Variants in DPP10 observed in about 807,000 individuals in gnomAD.
DPP10 encodes inactive dipeptidyl peptidase 10.
DPP10 carries 33 observed loss-of-function variants against 120.9 expected under a neutral mutation model. The observed-to-expected ratio is 0.27, with a 90% confidence interval of 0.21 to 0.37. The LOEUF is 0.37. Ranked by LOEUF, DPP10 falls within the 10% of genes least tolerant of loss-of-function variation. The pLI, the probability that DPP10 is intolerant of heterozygous loss-of-function variation, is 1.00. For missense variants in DPP10, 816 were observed against 942.8 expected (o/e 0.87, Z 1.76); for synonymous variants, 337 against 326.1 (o/e 1.03, Z -0.36).
chr2:115,162,051 A>T, intron 1 of DPP10: 1 of 1,425,726 alleles, frequency 7.0e-7, no homozygotes. Flanking sequence ...AGCCGCGGCC[A>T]GGCCCTCCCG....
chr2:115,634,453 G>C (rs973689730), intron 5 of DPP10, among the ~76,000 whole-genome samples: 1 of 152,032 alleles, frequency 6.6e-6, no homozygotes, highest in African/African-American at 2.4e-5. Flanking sequence ...TCTTTTAAGA[G>C]TCAGGCTCTT....
chr2:114,699,669 A>G (rs899635972), intron 1 of DPP10, among the ~76,000 whole-genome samples: 1 of 152,096 alleles, frequency 6.6e-6, no homozygotes, highest in African/African-American at 2.4e-5. Context: ...TTACATGTTA[A>G]GACAAACAGA....
At chr2:115,712,437 C>T (rs1473883488) in intron 7 of DPP10, among the ~76,000 whole-genome samples, 2 of 150,146 alleles carry the variant, frequency 1.3e-5, no homozygotes, top group African/African-American at 2.4e-5. Flanking sequence ...ACAGACTGGT[C>T]CATGGCCTGG....
chr2:114,722,339 C>A (rs568245151), intron 1 of DPP10, among the ~76,000 whole-genome samples: 2 of 152,130 alleles, frequency 1.3e-5, no homozygotes, highest in African/African-American at 4.8e-5. Flanking sequence ...AGATTTTTCC[C>A]AGTTGAGTTT....
At chr2:114,562,070 G>A (rs952845361) in intron 1 of DPP10, among the ~76,000 whole-genome samples, 3 of 152,194 alleles carry the variant, frequency 2.0e-5, no homozygotes, top group African/African-American at 7.2e-5. Context: ...TTAGCCCTTA[G>A]CACTGGATTG....
intron 1 of DPP10, among the ~76,000 whole-genome samples, chr2:114,503,374 T>C (rs982218853): frequency 6.6e-6 from 1 of 152,238 alleles, no homozygotes; most frequent in African/African-American, 2.4e-5. Flanking sequence ...ATATACTTTA[T>C]AACCAGGGTA....
intron 1 of DPP10, among the ~76,000 whole-genome samples, chr2:114,492,428 C>A (rs562840712): frequency 6.6e-6 from 1 of 151,742 alleles, no homozygotes; most frequent in Non-Finnish European, 1.5e-5. Flanking sequence ...GTAACAGCAA[C>A]GGTAGGAACA....
At chr2:114,589,641 C>G (rs775749261) in intron 1 of DPP10, among the ~76,000 whole-genome samples, 6 of 152,162 alleles carry the variant, frequency 3.9e-5, no homozygotes, top group Non-Finnish European at 5.9e-5. Flanking sequence ...TCAGCACTAA[C>G]TATACATACC....
intron 8 of DPP10, among the ~76,000 whole-genome samples, chr2:115,733,325 G>T (rs903348763): frequency 1.3e-5 from 2 of 152,168 alleles, no homozygotes; most frequent in African/African-American, 4.8e-5. Context: ...CACTTGCTCA[G>T]TGTCATCTAT....
intron 7 of DPP10, among the ~76,000 whole-genome samples, chr2:115,726,624 A>C (rs1237191262): frequency 6.6e-6 from 1 of 152,096 alleles, no homozygotes; most frequent in Non-Finnish European, 1.5e-5. Flanking sequence ...TGAGATTCTC[A>C]CCTGTGGTAT....
chr2:114,992,470 G>A (rs1406770872), intron 1 of DPP10, among the ~76,000 whole-genome samples: 1 of 152,194 alleles, frequency 6.6e-6, no homozygotes, highest in Non-Finnish European at 1.5e-5. Flanking sequence ...CCTGCTTTAT[G>A]CCAGTCTGGT....
At chr2:114,621,034 CAGATAAGA>C (rs756299681) in intron 1 of DPP10, among the ~76,000 whole-genome samples, 1 of 151,950 alleles carries the variant, frequency 6.6e-6, no homozygotes. Context: ...AATATGGAGA[CAGATAAGA>C]AGCTCTGTGG....
At chr2:114,828,820 G>A (rs1179085660) in intron 1 of DPP10, 1 of 152,260 alleles carries the variant, frequency 6.6e-6, no homozygotes, top group Non-Finnish European at 1.5e-5. Context: ...GGAGGAGGCA[G>A]GCTCCGCAGA....
chr2:115,266,420 G>A (rs2059464786), intron 1 of DPP10, among the ~76,000 whole-genome samples: 2 of 151,440 alleles, frequency 1.3e-5, no homozygotes, highest in South Asian at 4.2e-4. Flanking sequence ...ATTCTACCAT[G>A]TGTTTTCTGG....
intron 1 of DPP10, among the ~76,000 whole-genome samples, chr2:114,555,356 G>T (rs560406313): frequency 5.3e-5 from 8 of 151,916 alleles, no homozygotes; most frequent in African/African-American, 1.7e-4. Context: ...AACAAGACTG[G>T]CAAGATCTCC....
At chr2:115,521,426 C>T (rs1027377258) in intron 4 of DPP10, among the ~76,000 whole-genome samples, 8 of 152,154 alleles carry the variant, frequency 5.3e-5, no homozygotes, top group Admixed American at 2.6e-4. Flanking sequence ...CCTTCAGGAG[C>T]GATAACAATA....
chr2:114,625,691 A>G (rs1694457712), intron 1 of DPP10, among the ~76,000 whole-genome samples: 1 of 152,030 alleles, frequency 6.6e-6, no homozygotes, highest in African/African-American at 2.4e-5. Context: ...TAAATTGAGA[A>G]ATATCTGAGA....
intron 1 of DPP10, among the ~76,000 whole-genome samples, chr2:115,049,445 T>C (rs1272102322): frequency 1.3e-5 from 2 of 152,190 alleles, no homozygotes; most frequent in African/African-American, 4.8e-5. Flanking sequence ...AGCCTTTCAT[T>C]TCTTGTCTTT....
chr2:114,870,547 AGGG>A (rs1690612544), intron 1 of DPP10, among the ~76,000 whole-genome samples: 1 of 82,694 alleles, frequency 1.2e-5, no homozygotes, highest in Admixed American at 1.4e-4. Flanking sequence ...TCAGGTAGAA[AGGG>A]GGAACTCTTG....
Sources: allele counts gnomAD v4.1 joint callset (sites outside exome capture counted in the v4.1 genomes callset), GRCh38; gene constraint gnomAD v4.1.1; transcripts MANE v1.5; gene names NCBI Gene and HGNC (gene_info 2026-07-23, HGNC 2026-07-21).